The following SORCS1 variants were observed in gnomAD, a reference collection of about 807,000 sequenced individuals.
SORCS1 encodes the protein VPS10 domain-containing receptor SorCS1.
Under a neutral mutation model 146.1 loss-of-function variants are expected in SORCS1, and 60 were observed. The ratio of observed to expected loss-of-function variants is 0.41; its 90% CI spans 0.33 to 0.51. The LOEUF is 0.51. Ranked by LOEUF, SORCS1 falls within the 20% of genes least tolerant of loss-of-function variation. The pLI, the probability that SORCS1 is intolerant of heterozygous loss-of-function variation, is 0.21. For missense variants in SORCS1, 1,352 were observed against 1,487.6 expected (o/e 0.91, Z 1.50); for synonymous variants, 637 against 584.0 (o/e 1.09, Z -1.31).
chr10:107,074,674 A>G (rs1372238980), intron 1 of SORCS1, among the ~76,000 whole-genome samples: 3 of 152,282 alleles, frequency 2.0e-5, no homozygotes, highest in Admixed American at 6.5e-5. Flanking sequence ...AATGAAGAAG[A>G]GTTCTTGTTG....
intron 1 of SORCS1, among the ~76,000 whole-genome samples, chr10:106,995,303 G>A (rs1956946552): frequency 7.3e-6 from 1 of 137,472 alleles, no homozygotes; most frequent in African/African-American, 2.9e-5. Context: ...GACAGAGCGA[G>A]ACTCCATCTC....
chr10:106,600,783 T>C, intron 23 of SORCS1: 3 of 876,818 alleles, frequency 3.4e-6, no homozygotes, highest in Non-Finnish European at 4.1e-6. Flanking sequence ...AGACTTTGGC[T>C]TTGTTTGACT....
intron 1 of SORCS1, among the ~76,000 whole-genome samples, chr10:107,120,125 C>T (rs1302281804): frequency 6.6e-6 from 1 of 152,046 alleles, no homozygotes; most frequent in African/African-American, 2.4e-5. Flanking sequence ...GTTTATTAGA[C>T]TTTAAATTGG....
At chr10:107,048,539 A>T (rs1487013241) in intron 1 of SORCS1, among the ~76,000 whole-genome samples, 1 of 152,318 alleles carries the variant, frequency 6.6e-6, no homozygotes, top group African/African-American at 2.4e-5. Context: ...CAGGGATGTG[A>T]TATTTGCAAA....
At chr10:106,990,463 T>G (rs1399902862) in intron 1 of SORCS1, among the ~76,000 whole-genome samples, 2 of 151,968 alleles carry the variant, frequency 1.3e-5, no homozygotes, top group Non-Finnish European at 2.9e-5. Flanking sequence ...AGAGATGGGT[T>G]TTCACCATGT....
chr10:106,610,970 C>T (rs1440094965), intron 22 of SORCS1, among the ~76,000 whole-genome samples: 1 of 152,034 alleles, frequency 6.6e-6, no homozygotes, highest in South Asian at 2.1e-4. Flanking sequence ...ATCCCAGCTA[C>T]TTGGGAGGCT....
At chr10:106,987,616 C>T (rs77726376) in intron 1 of SORCS1, among the ~76,000 whole-genome samples, 1 of 151,992 alleles carries the variant, frequency 6.6e-6, no homozygotes, top group African/African-American at 2.4e-5. Context: ...ACATAGTTCC[C>T]GCCTACTGAG....
intron 4 of SORCS1, among the ~76,000 whole-genome samples, chr10:106,772,520 G>A (rs898158276): frequency 1.3e-5 from 2 of 149,940 alleles, no homozygotes; most frequent in African/African-American, 4.9e-5. Context: ...TCCCCTTATT[G>A]GTTCTGTTTC....
intron 1 of SORCS1, among the ~76,000 whole-genome samples, chr10:107,106,834 C>G (rs1328800381): frequency 3.3e-5 from 5 of 152,138 alleles, no homozygotes; most frequent in Middle Eastern, 3.4e-3. Context: ...GATTAATACC[C>G]TGACAAAAGA....
chr10:106,877,702 G>A (rs1950643496), intron 2 of SORCS1, among the ~76,000 whole-genome samples: 2 of 151,998 alleles, frequency 1.3e-5, no homozygotes, highest in Admixed American at 1.3e-4. Flanking sequence ...CAGTCCCTCG[G>A]GGAAGCCACA....
chr10:106,714,049 T>C (rs1026335782), intron 6 of SORCS1, among the ~76,000 whole-genome samples: 20 of 132,204 alleles, frequency 1.5e-4, no homozygotes, highest in African/African-American at 5.6e-4. Flanking sequence ...GACAGCAGAA[T>C]CACTTTAACT....
chr10:106,641,881 G>A (rs904582663), intron 18 of SORCS1, among the ~76,000 whole-genome samples: 1 of 151,926 alleles, frequency 6.6e-6, no homozygotes, highest in Non-Finnish European at 1.5e-5. Context: ...CATGTCATTA[G>A]ATTTTTACTT....
At position 106,575,081 on chromosome 10, in the gene SORCS1, T is replaced by A. The variant is rs1050730908; in HGVS notation, c.*2339A>T. 2.1e-4 allele frequency: 32 copies of A among 152,654 alleles called. No individual in the cohort carries two copies. The highest frequency in any genetic ancestry group is 7.5e-4 in the African/African-American group (31 of 41,460). The allele number at this position is 152,654 out of a possible 1,614,324, so 9.5% of individuals were successfully genotyped here. A position where few individuals can be genotyped will look rare whatever the true frequency, so the allele number is the denominator to read the frequency against. ...TGAATTGAACTGCAACTCTGAGGAC[T>A]CCCTGTGCTGGTTTGAGTGAGCCTC... On this transcript the variant is annotated 3_prime_UTR_variant, in exon 26 of 26. Transcript: ENST00000263054.
chr10:107,172,971 C>T, the SORCS1 span, among the ~76,000 whole-genome samples: 2 of 152,072 alleles, frequency 1.3e-5, no homozygotes, highest in Admixed American at 6.6e-5. Flanking sequence ...AACCCACATC[C>T]ATAAGACTGT....
intron 1 of SORCS1, among the ~76,000 whole-genome samples, chr10:107,018,349 A>T (rs1456228164): frequency 1.4e-5 from 2 of 146,752 alleles, no homozygotes; most frequent in East Asian, 2.0e-4. Context: ...TAATTTTTTT[A>T]TTTTTTTTTT....
intron 4 of SORCS1, among the ~76,000 whole-genome samples, chr10:106,763,922 C>T (rs1720546733): frequency 6.6e-6 from 1 of 152,180 alleles, no homozygotes; most frequent in Non-Finnish European, 1.5e-5. Flanking sequence ...GAAATCCTAT[C>T]CTTCTACGTG....
intron 1 of SORCS1, among the ~76,000 whole-genome samples, chr10:107,113,385 C>A (rs1478583900): frequency 6.6e-6 from 1 of 151,862 alleles, no homozygotes; most frequent in South Asian, 2.1e-4. Context: ...GTGATAAATG[C>A]CAACATCAAA....
chr10:106,657,202 C>T (rs1850361173), intron 17 of SORCS1, among the ~76,000 whole-genome samples: 1 of 152,100 alleles, frequency 6.6e-6, no homozygotes, highest in Admixed American at 6.5e-5. Context: ...ATGGAACCAA[C>T]TTAAGTGCCT....
At chr10:106,817,837 T>C (rs1203397504) in intron 3 of SORCS1, among the ~76,000 whole-genome samples, 1 of 152,226 alleles carries the variant, frequency 6.6e-6, no homozygotes, top group Non-Finnish European at 1.5e-5. Context: ...AACTAAATGA[T>C]ATTTTTCTGT....
Sources: allele counts gnomAD v4.1 joint callset (sites outside exome capture counted in the v4.1 genomes callset), GRCh38; gene constraint gnomAD v4.1.1; transcripts MANE v1.5; gene names NCBI Gene and HGNC (gene_info 2026-07-23, HGNC 2026-07-21).